LPP: variants seen among roughly 807,000 people sequenced by gnomAD.
LPP encodes the protein lipoma-preferred partner.
A neutral mutation model predicts 60.4 loss-of-function variants in LPP; 38 were observed. That is an observed-to-expected ratio of 0.63 (90% confidence interval 0.49 to 0.83). The LOEUF (loss-of-function observed/expected upper bound fraction) is 0.83. Ranked by LOEUF, LPP falls within the 40% of genes least tolerant of loss-of-function variation. LPP has a pLI of 0.00. For synonymous variants in LPP, 328 were observed against 290.8 expected, an observed-to-expected ratio of 1.13 and a Z score of -1.30; for missense variants, 902 against 783.6, an observed-to-expected ratio of 1.15 and a Z score of -1.80.
At chr3:188,826,590 G>T (rs1039067339) in intron 9 of LPP, among the ~76,000 whole-genome samples, 2 of 152,034 alleles carry the variant, frequency 1.3e-5, no homozygotes, top group African/African-American at 2.4e-5. Context: ...CTTAACATTA[G>T]CTGTAGGTTT....
chr3:188,594,464 T>C (rs1839590891), intron 6 of LPP, among the ~76,000 whole-genome samples: 1 of 152,190 alleles, frequency 6.6e-6, no homozygotes, highest in Non-Finnish European at 1.5e-5. Flanking sequence ...ACTTCTGGAA[T>C]TCTGAAAAAA....
chr3:188,575,373 G>A (rs1834386578), intron 6 of LPP, among the ~76,000 whole-genome samples: 1 of 152,076 alleles, frequency 6.6e-6, no homozygotes, highest in Admixed American at 6.6e-5. Flanking sequence ...CGTTTAGTCT[G>A]GATTTAAAAT....
intron 6 of LPP, among the ~76,000 whole-genome samples, chr3:188,576,727 GA>G (rs1300257477): frequency 6.6e-6 from 1 of 152,192 alleles, no homozygotes; most frequent in Non-Finnish European, 1.5e-5. Context: ...TGTCCAAAAT[GA>G]GAGTAATCAG....
At chr3:188,838,504 T>G (rs1286443712) in intron 9 of LPP, among the ~76,000 whole-genome samples, 1 of 152,170 alleles carries the variant, frequency 6.6e-6, no homozygotes, top group Non-Finnish European at 1.5e-5. Context: ...TAGAAAAAAC[T>G]TTACTCCCTG....
chr3:188,609,269 T>A lies in LPP; in HGVS notation c.538T>A (p.Leu180Met). The A allele has an allele frequency of 1.9e-6, 3 of 1,614,006 alleles. No homozygotes were observed. The highest frequency in any genetic ancestry group is 2.5e-6 in the Non-Finnish European group (3 of 1,179,982). Residue 180 changes from leucine (L) to methionine (M), a missense_variant, in exon 7 of 12, where the codon TTG (leucine) becomes ATG (methionine). Coordinates refer to ENST00000617246, the MANE Select transcript of LPP (RefSeq NM_001375462.1). This position sits in a 1 kb window ranked among gnomAD's most constrained non-coding sequence, Gnocchi z 6.9. The part of the protein sequence containing the change: ...PPLTATKKST[L>M]KPQPAPQAGP... ...TCTAACAGCAACCAAGAAGTCTACA[T>A]TGAAACCACAGCCTGCACCCCAGGC...
chr3:188,471,333 A>G (rs1412762435), intron 4 of LPP, among the ~76,000 whole-genome samples: 1 of 152,200 alleles, frequency 6.6e-6, no homozygotes, highest in African/African-American at 2.4e-5. Context: ...CAACAGTTGT[A>G]TCAAATACAT....
intron 11 of LPP, among the ~76,000 whole-genome samples, 165 bp downstream of exon 11, chr3:188,872,928 G>C (rs780757124): frequency 6.6e-6 from 1 of 152,152 alleles, no homozygotes; most frequent in African/African-American, 2.4e-5. Flanking sequence ...AGCACATGCT[G>C]TTGAATAAGT....
chr3:188,414,680 A>G (rs1785713564), intron 4 of LPP, among the ~76,000 whole-genome samples: 1 of 152,182 alleles, frequency 6.6e-6, no homozygotes, highest in Non-Finnish European at 1.5e-5. Context: ...TTGAGAATGT[A>G]TTCACTAATA....
chr3:188,439,479 G>A (rs1793235881), intron 4 of LPP, among the ~76,000 whole-genome samples: 1 of 152,166 alleles, frequency 6.6e-6, no homozygotes, highest in Non-Finnish European at 1.5e-5. Context: ...TAATTGACCA[G>A]TTAGGTAACT....
chr3:188,513,830 A>T (rs1816541323), intron 5 of LPP, among the ~76,000 whole-genome samples: 1 of 152,168 alleles, frequency 6.6e-6, no homozygotes, highest in Admixed American at 6.5e-5. Context: ...CTTATAAAAG[A>T]GTTGGCTTAA....
chr3:188,167,962 A>C (rs1720501899), intron 1 of LPP, among the ~76,000 whole-genome samples: 1 of 152,238 alleles, frequency 6.6e-6, no homozygotes, highest in East Asian at 1.9e-4. Flanking sequence ...GATTACTAAA[A>C]AAATTTCCCA....
At chr3:188,438,234 G>A (rs1450480547) in intron 4 of LPP, among the ~76,000 whole-genome samples, 7 of 152,052 alleles carry the variant, frequency 4.6e-5, no homozygotes, top group African/African-American at 1.7e-4. Context: ...TGTAACTGAG[G>A]AACTGATTAT....
chr3:188,313,886 A>C (rs1381670958), intron 2 of LPP, among the ~76,000 whole-genome samples: 2 of 152,068 alleles, frequency 1.3e-5, no homozygotes, highest in Admixed American at 6.5e-5. Flanking sequence ...TACTTGCTCT[A>C]GTTAATGTAA....
intron 1 of LPP, among the ~76,000 whole-genome samples, chr3:188,176,129 C>T (rs1380265735): frequency 6.6e-6 from 1 of 152,064 alleles, no homozygotes; most frequent in Non-Finnish European, 1.5e-5. Context: ...TAATGGTTCT[C>T]AAACTCGAAG....
At chr3:188,254,537 C>T (rs1731001089) in intron 2 of LPP, among the ~76,000 whole-genome samples, 1 of 152,182 alleles carries the variant, frequency 6.6e-6, no homozygotes, top group African/African-American at 2.4e-5. Flanking sequence ...GGTTAATTGG[C>T]TTGCCTATGT....
intron 8 of LPP, 50 bp downstream of exon 8, chr3:188,708,443 T>C: frequency 3.7e-6 from 6 of 1,613,596 alleles, no homozygotes; most frequent in Non-Finnish European, 5.1e-6. Context: ...TGCTCTGATT[T>C]CCTTCCTTAG....
At chr3:188,406,075 A>C in intron 3 of LPP, 37 bp from the exon 4 acceptor site, 3 of 1,560,634 alleles carry the variant, frequency 1.9e-6, no homozygotes, top group Non-Finnish European at 2.6e-6. Context: ...CTTCGTTTTC[A>C]TGCTTCCATA....
intron 3 of LPP, among the ~76,000 whole-genome samples, chr3:188,356,361 T>C (rs1767608549): frequency 6.6e-6 from 1 of 152,054 alleles, no homozygotes; most frequent in Non-Finnish European, 1.5e-5. Context: ...CTGGAGAAAA[T>C]TTAAGGGTGA....
chr3:188,664,681 T>G (rs1009206808), intron 7 of LPP, among the ~76,000 whole-genome samples: 3 of 152,124 alleles, frequency 2.0e-5, no homozygotes, highest in African/African-American at 7.2e-5. Flanking sequence ...CACAATCTTT[T>G]AATTATGTGA....
Sources: allele counts gnomAD v4.1 joint callset (sites outside exome capture counted in the v4.1 genomes callset), GRCh38; gene constraint gnomAD v4.1.1; non-coding constraint Gnocchi (gnomAD v3.1); transcripts MANE v1.5; gene names NCBI Gene and HGNC (gene_info 2026-07-23, HGNC 2026-07-21).